Variants in MAP3K15 observed in about 807,000 individuals in gnomAD.
MAP3K15 encodes the protein mitogen-activated protein kinase kinase kinase 15.
In MAP3K15, 124 loss-of-function variants were observed where a neutral mutation model predicts 99.5. The ratio of observed to expected loss-of-function variants is 1.25; its 90% CI spans 1.08 to 1.45. The LOEUF is 1.45. MAP3K15 is among the 40% of genes most tolerant of loss of function. The pLI is 0.00. For synonymous variants in MAP3K15, 494 were observed against 439.6 expected (o/e 1.12, Z -1.55); for missense variants, 1,242 against 1,079.7 (o/e 1.15, Z -2.11).
chrX:19,447,827 T>G (rs1319843328), intron 6 of MAP3K15, among the ~76,000 whole-genome samples: 1 of 76,245 alleles, frequency 1.3e-5, no homozygotes, highest in Non-Finnish European at 2.4e-5. Context: ...GAGCTTGCAG[T>G]GAGCCGAGAT....
chrX:19,461,215 G>A (rs939589066), intron 4 of MAP3K15, among the ~76,000 whole-genome samples: 1 of 111,684 alleles, frequency 9.0e-6, no homozygotes, highest in African/African-American at 3.2e-5. Flanking sequence ...TCCTGACCTC[G>A]TGATCCACCC....
intron 1 of MAP3K15, among the ~76,000 whole-genome samples, chrX:19,505,235 A>G (rs2064468375): frequency 9.3e-6 from 1 of 108,097 alleles, no homozygotes; most frequent in Admixed American, 1.0e-4. Context: ...GGGGGGCTCC[A>G]TGATTGGCAT....
At position 19,515,165 on chromosome X, in the gene MAP3K15, C is replaced by A; in HGVS notation, c.97G>T (p.Gly33Trp). The A allele has an allele frequency of 1.2e-6, 1 of 816,557 alleles. No homozygotes were observed. Among genetic ancestry groups the A allele is most frequent in the East Asian group, 7.6e-5 (1 of 13,102 alleles). The allele number at this position is 816,557 out of a possible 1,213,427, so 67.3% of individuals were successfully genotyped here. A position where few individuals can be genotyped will look rare whatever the true frequency, so the allele number is the denominator to read the frequency against. The change falls in exon 1 of 29, where the codon GGG becomes TGG. Residue 33 changes from glycine to tryptophan, a missense_variant. By Grantham distance (184) the Gly-to-Trp change is radical. Transcript: ENST00000338883. ...PPPPGVEGAA[G>W]PAEPDGAAEG... ...GCCGCCCCGTCGGGCTCCGCCGGCC[C>A]GGCCGCGCCCTCCACCCCCGGCGGC... is the stretch of plus-strand genomic sequence containing the variant.
chrX:19,502,495 C>T (rs1289099970), intron 1 of MAP3K15, among the ~76,000 whole-genome samples: 2 of 111,497 alleles, frequency 1.8e-5, no homozygotes, highest in African/African-American at 6.5e-5. Flanking sequence ...CCTAAGCCCT[C>T]CCCAGCCATG....
At position 19,361,587 on chromosome X, in the gene MAP3K15, G is replaced by A; in HGVS notation, c.3686C>T (p.Thr1229Ile). 8.4e-7 allele frequency: 1 copy of A among 1,188,487 alleles called. No individual in the cohort carries two copies. Among genetic ancestry groups the A allele is most frequent in the Non-Finnish European group, 1.1e-6 (1 of 876,313 alleles). Residue 1229 changes from threonine to isoleucine, a missense_variant, in exon 27 of 29, where the codon ACA becomes ATA. Physicochemically the swap from Thr to Ile is moderately conservative, Grantham distance 89 (BLOSUM62 -1). Coordinates refer to ENST00000338883, the MANE Select transcript of MAP3K15 (RefSeq NM_001001671.4). ...CCCGTAGGGGCCTGCTGGGTTCTCT[G>A]TAATACCTGTAACGATTGGCAATTT... Reference protein sequence around the residue: ...LQLKLKSNCITENPAGPYGQR... With the variant: ...LQLKLKSNCIIENPAGPYGQR...
intron 9 of MAP3K15, among the ~76,000 whole-genome samples, chrX:19,417,840 A>G (rs1206263268): frequency 1.8e-5 from 2 of 111,871 alleles, no homozygotes; most frequent in South Asian, 3.7e-4. Flanking sequence ...CCTCTGAGAC[A>G]AAACTTCCAG....
chrX:19,484,926 G>A (rs1189461465), intron 3 of MAP3K15, among the ~76,000 whole-genome samples: 2 of 111,733 alleles, frequency 1.8e-5, no homozygotes, highest in Non-Finnish European at 3.8e-5. Context: ...GTGTTACTTA[G>A]AGACAGGGCT....
chrX:19,495,500 T>C (rs1250327186), intron 1 of MAP3K15, among the ~76,000 whole-genome samples: 1 of 111,100 alleles, frequency 9.0e-6, no homozygotes, highest in East Asian at 2.8e-4. Flanking sequence ...GGCCTATCTT[T>C]TGCTTCCCAG....
At chrX:19,489,756 C>T (rs939162754) in intron 1 of MAP3K15, among the ~76,000 whole-genome samples, 1 of 111,059 alleles carries the variant, frequency 9.0e-6, no homozygotes, top group African/African-American at 3.3e-5. Context: ...AAATTTCTGG[C>T]TGGGTGCAGT....
At chrX:19,490,197 A>G (rs1602348332) in intron 1 of MAP3K15, among the ~76,000 whole-genome samples, 1 of 106,405 alleles carries the variant, frequency 9.4e-6, no homozygotes, top group East Asian at 2.9e-4. Flanking sequence ...ACATACAAAA[A>G]TTCCTTAACA....
intron 11 of MAP3K15, among the ~76,000 whole-genome samples, chrX:19,413,148 C>A (rs973402749): frequency 4.7e-5 from 5 of 107,404 alleles, no homozygotes; most frequent in Non-Finnish European, 9.6e-5. Flanking sequence ...ACACACTCCC[C>A]CACCCCCACA....
At chrX:19,429,611 G>T (rs181780168) in intron 7 of MAP3K15, among the ~76,000 whole-genome samples, 11 of 109,625 alleles carry the variant, frequency 1.0e-4, no homozygotes, top group East Asian at 5.8e-4. Flanking sequence ...GTGGACAAAG[G>T]GGGGGAGGTG....
Position 19,488,868 on chromosome X carries a change from A to G in MAP3K15, c.461T>C (p.Leu154Ser). The G allele has an allele frequency of 8.3e-7, 1 of 1,200,021 alleles. No homozygotes were observed. The highest frequency in any genetic ancestry group is 1.1e-6 in the Non-Finnish European group (1 of 894,830). Residue 154 changes from leucine (L) to serine (S), a missense_variant, in exon 2 of 29, where the codon TTG becomes TCG. Coordinates refer to ENST00000338883, the MANE Select transcript of MAP3K15 (RefSeq NM_001001671.4). ...ESFDMANNVI[L>S]YHDTDADTAL... The stretch of plus-strand genomic sequence containing the variant: ...AGTGTCGGCATCGGTGTCATGGTAC[A>G]AGATCACATTATTGGCCATGTCAAA...
chrX:19,445,340 C>T (rs1219992746), intron 6 of MAP3K15, among the ~76,000 whole-genome samples: 1 of 109,616 alleles, frequency 9.1e-6, no homozygotes, highest in Non-Finnish European at 1.9e-5. Flanking sequence ...CCTGTAATCC[C>T]AGCACTTTGG....
At chrX:19,478,440 T>C (rs1261470064) in intron 3 of MAP3K15, among the ~76,000 whole-genome samples, 2 of 107,623 alleles carry the variant, frequency 1.9e-5, no homozygotes, top group Non-Finnish European at 3.8e-5. Flanking sequence ...TCATCTTTGA[T>C]CATTTTGAGT....
At chrX:19,448,265 A>G (rs2064015719) in intron 6 of MAP3K15, among the ~76,000 whole-genome samples, 1 of 109,094 alleles carries the variant, frequency 9.2e-6, no homozygotes, top group African/African-American at 3.3e-5. Flanking sequence ...AGCAACTTAC[A>G]TGGGTCAGGA....
intron 3 of MAP3K15, among the ~76,000 whole-genome samples, chrX:19,471,551 C>T (rs1287592837): frequency 6.3e-5 from 7 of 111,008 alleles, no homozygotes; most frequent in African/African-American, 9.8e-5. Flanking sequence ...CATGAGCCAC[C>T]GTGCCCGGCC....
chrX:19,368,245 C>T lies in MAP3K15; in HGVS notation c.3566+809G>A, dbSNP rs2063349664. Among the ~76,000 whole-genome samples the T allele has an allele frequency of 3.6e-5, 4 of 111,909 alleles. No individual in the cohort carries two copies. The South Asian group carries it at 1.1e-3, about 31-fold the overall frequency. Reference sequence around the variant, plus strand: ...GCAACCCCCACCTCCCGGATTCAATCGATTCTCCTGCCTCAGCTTCCCAAG... The same window carrying T: ...GCAACCCCCACCTCCCGGATTCAATTGATTCTCCTGCCTCAGCTTCCCAAG... On this transcript the variant is annotated intron_variant, in intron 25 of 28. Transcript: ENST00000338883.
chrX:19,493,296 G>A (rs1253477880), intron 1 of MAP3K15, among the ~76,000 whole-genome samples: 1 of 104,281 alleles, frequency 9.6e-6, no homozygotes, highest in African/African-American at 3.5e-5. Context: ...CCAAGGATTG[G>A]GAGAGACTTT....
Sources: gnomAD v4.1 joint callset for allele counts (sites outside exome capture counted in the v4.1 genomes callset) on GRCh38, gnomAD v4.1.1 for gene constraint, MANE v1.5 for transcripts, NCBI Gene and HGNC (gene_info 2026-07-23, HGNC 2026-07-21) for gene names.